CYB561A3: variants seen among roughly 807,000 people sequenced by gnomAD.
CYB561A3 encodes cytochrome b561 family member A3.
A neutral mutation model predicts 25.3 loss-of-function variants in CYB561A3; 16 were observed. The observed-to-expected ratio is 0.63, with a 90% CI of 0.43 to 0.96. CYB561A3 has a LOEUF of 0.96. Among genes scored for constraint, CYB561A3 ranks in the 40% least tolerant of loss-of-function variants. The pLI, the probability that CYB561A3 is intolerant of heterozygous loss-of-function variation, is 0.00. For synonymous variants in CYB561A3, 131 were observed against 129.9 expected (o/e 1.01, Z -0.06); for missense variants, 219 against 307.5 (o/e 0.71, Z 2.15).
intron 2 of CYB561A3, 70 bp downstream of exon 2, chr11:61,357,663 T>C (rs1857697191): frequency 6.0e-6 from 1 of 167,692 alleles, no homozygotes; most frequent in South Asian, 1.4e-4. Flanking sequence ...GCTTCCTGCA[T>C]TGAGGTCCCT....
rs1250544706 is a variant in CYB561A3 at position 61,353,982 on chromosome 11, C to T, written c.195G>A (p.Val65=). 2 of 1,614,140 alleles carry T rather than the reference C, an allele frequency of 1.2e-6. No homozygotes were observed. Among genetic ancestry groups the T allele is most frequent in the Admixed American group, 1.7e-5 (1 of 60,008 alleles). Residue 65 remains valine, a synonymous_variant, in exon 4 of 7, where the codon GTG becomes GTA. Transcript: ENST00000294072. ...MVVFYGGASL[V]YRLPQSWVGP... ...CCACCCACGACTGGGGCAGGCGGTA[C>T]ACCAGTGACGCTGCAGGAGAGAGTA...
At position 61,353,805 on chromosome 11, in the gene CYB561A3, A is replaced by G; in HGVS notation, c.372T>C (p.Thr124=). Residue 124 remains threonine (T), a synonymous_variant, in exon 4 of 7, where the codon ACT becomes ACC. Transcript: ENST00000294072. ...CCACCTGGCAGGCGAAGAGGAAGAC[A>G]GTGGTGATGCCCAGCCAGCTGTGAA... ...YSLHSWLGIT[T]VFLFACQWFL... is the part of the protein sequence containing the mutation. 1 of 1,614,208 alleles carries G rather than the reference A, an allele frequency of 6.2e-7. No individual in the cohort carries two copies. Among genetic ancestry groups the G allele is most frequent in the Non-Finnish European group, 8.5e-7 (1 of 1,180,034 alleles).
At position 61,349,885 on chromosome 11, in the gene CYB561A3, G is replaced by T; in HGVS notation, c.*514C>A. 1 of 539,590 alleles carries T rather than the reference G, an allele frequency of 1.9e-6. No homozygotes were observed. Among genetic ancestry groups the T allele is most frequent in the South Asian group, 2.0e-5 (1 of 48,910 alleles). 33.4% of individuals were successfully genotyped at this position (539,590 alleles called of 1,614,324 possible). Reference sequence around the variant, plus strand: ...TGAAATGCACACCTTTATGGGGGAAGTGGACGGACACCTCACCTCCCTCAT... The same window carrying T: ...TGAAATGCACACCTTTATGGGGGAATTGGACGGACACCTCACCTCCCTCAT... On this transcript the variant is annotated 3_prime_UTR_variant, in exon 7 of 7. Transcript: ENST00000294072.
chr11:61,359,948 G>A (rs1394386045), intron 1 of CYB561A3: 1 of 152,470 alleles, frequency 6.6e-6, no homozygotes, highest in African/African-American at 2.4e-5. Flanking sequence ...TTGAACCCAG[G>A]AGGCAGAGGT....
chr11:61,349,465 C>G lies in CYB561A3; in HGVS notation c.*934G>C. On this transcript the variant is annotated 3_prime_UTR_variant, in exon 7 of 7. Transcript: ENST00000294072. Reference sequence around the variant, plus strand: ...AGCGGGAGGCAGGAAGGCCCTGATCCAGCAAGGAGAAGTAGAGGAAGTCCA... The same window carrying G: ...AGCGGGAGGCAGGAAGGCCCTGATCGAGCAAGGAGAAGTAGAGGAAGTCCA... 1.5e-6 allele frequency: 1 copy of G among 687,920 alleles called. No homozygotes were observed. Among genetic ancestry groups the G allele is most frequent in the Non-Finnish European group, 2.7e-6 (1 of 374,644 alleles). 42.6% of individuals were successfully genotyped at this position (687,920 alleles called of 1,614,324 possible).
At chr11:61,352,896 T>A in intron 5 of CYB561A3, 89 bp downstream of exon 5, 1 of 1,604,802 alleles carries the variant, frequency 6.2e-7, no homozygotes, top group Non-Finnish European at 8.5e-7. Flanking sequence ...CTCTCCTCCC[T>A]TGGGTGAGTC....
chr11:61,357,794 C>T lies in CYB561A3; in HGVS notation c.-77G>A, dbSNP rs1342779774. On this transcript the variant is annotated 5_prime_UTR_variant, in exon 2 of 7. The change creates a new upstream start codon in the 5' untranslated region. Coordinates refer to ENST00000294072, the MANE Select transcript of CYB561A3 (RefSeq NM_153611.6). ...GGCTCCAATTCCTGCGAAATGGGCA[C>T]CTTGAGCAAATCACTTAACATTTGC... The T allele has an allele frequency of 1.3e-5, 2 of 153,232 alleles. No homozygotes were observed. The highest frequency in any genetic ancestry group is 4.8e-5 in the African/African-American group (2 of 41,450). The allele number at this position is 153,232 out of a possible 1,614,324, so 9.5% of individuals were successfully genotyped here.
chr11:61,353,662 TAAC>T (rs1338209121), intron 4 of CYB561A3, 119 bp downstream of exon 4: 40 of 1,093,000 alleles, frequency 3.7e-5, no homozygotes, highest in Admixed American at 8.0e-5. Flanking sequence ...TTCTACAAGA[TAAC>T]AATCTGCAAG....
At chr11:61,354,530 A>G (rs1218873247) in intron 3 of CYB561A3, 1 of 159,774 alleles carries the variant, frequency 6.3e-6, no homozygotes, top group Non-Finnish European at 1.4e-5. Context: ...TCTCTCAGCT[A>G]CTTGGGGGAC....
At chr11:61,351,665 C>A (rs1857417051) in intron 5 of CYB561A3, 1 of 152,030 alleles carries the variant, frequency 6.6e-6, no homozygotes, top group Admixed American at 6.5e-5. Context: ...CTTGTAATCC[C>A]AGCACTTTGG....
intron 1 of CYB561A3, chr11:61,359,430 AAC>A (rs1857764301): frequency 6.6e-6 from 1 of 152,166 alleles, no homozygotes; most frequent in East Asian, 1.9e-4. Flanking sequence ...ATTCACCTAA[AAC>A]ACTCTCCATC....
intron 3 of CYB561A3, 104 bp from the exon 4 acceptor site, chr11:61,354,096 C>T: frequency 8.1e-7 from 1 of 1,242,126 alleles, no homozygotes. Context: ...AGCAAGGGAA[C>T]AGGAAATGCT....
intron 5 of CYB561A3, chr11:61,351,399 C>T (rs568773921): frequency 2.7e-4 from 72 of 271,374 alleles, no homozygotes; most frequent in African/African-American, 1.5e-3. Context: ...ACGCCATTCT[C>T]CTGCCTCAGC....
intron 4 of CYB561A3, 125 bp downstream of exon 4, chr11:61,353,659 A>G (rs1857523026): frequency 5.6e-6 from 6 of 1,072,160 alleles, no homozygotes; most frequent in Non-Finnish European, 8.4e-6. Context: ...CAGTTCTACA[A>G]GATAACAATC....
chr11:61,360,622 A>G (rs1193861132), intron 1 of CYB561A3: 1 of 152,214 alleles, frequency 6.6e-6, no homozygotes, highest in Non-Finnish European at 1.5e-5. Flanking sequence ...CGGCTGAGCT[A>G]AAACAGGTCA....
rs2135116845 is a variant in CYB561A3, at chr11:61,353,992, G to A, written c.185C>T (p.Ala62Val). The change falls in exon 4 of 7, where the codon GCG becomes GTG. Residue 62 changes from alanine to valine, a missense_variant and splice_region_variant. Transcript: ENST00000294072. Reference protein sequence around the residue: ...VAGMVVFYGGASLVYRLPQSW... With the variant: ...VAGMVVFYGGVSLVYRLPQSW... ...CTGGGGCAGGCGGTACACCAGTGAC[G>A]CTGCAGGAGAGAGTAGTGCCAGGGC... The A allele has an allele frequency of 3.1e-6, 5 of 1,614,014 alleles. No homozygotes were observed. The highest frequency in any genetic ancestry group is 1.7e-4 in the Middle Eastern group (1 of 6,020).
In CYB561A3 at chr11:61,352,458, G is replaced by C. The variant is rs189633455; in HGVS notation, c.548+527C>G. On this transcript the variant is annotated intron_variant, in intron 5 of 6. Coordinates refer to ENST00000294072, the MANE Select transcript of CYB561A3 (RefSeq NM_153611.6). ...GGGCAGATCATGAGGTCAGGAGTCCGAGACCAGCCTGCCCAGCATGGTGAA... is the reference window on the plus strand; with the variant it reads ...GGGCAGATCATGAGGTCAGGAGTCCCAGACCAGCCTGCCCAGCATGGTGAA... 2.2e-3 allele frequency: 351 copies of C among 160,950 alleles called. 2 individuals carry two copies. Among genetic ancestry groups the C allele is most frequent in the South Asian group, 0.016 (96 of 6,188 alleles). The allele number at this position is 160,950 out of a possible 1,614,324, so 10.0% of individuals were successfully genotyped here. A position where few individuals can be genotyped will look rare whatever the true frequency, so the allele number is the denominator to read the frequency against.
rs558507273 is a variant in CYB561A3 at position 61,354,044 on chromosome 11, G to A, written c.185-52C>T. The A allele has an allele frequency of 3.8e-6, 6 of 1,592,402 alleles. No homozygotes were observed. The Admixed American group carries it at 6.8e-5, about 18-fold the overall frequency. Reference sequence around the variant, plus strand: ...CAGCCTCTCCCCTCGAGCTCACCCAGACATCAGGGAATAACCCTGATAGGA... The same window carrying A: ...CAGCCTCTCCCCTCGAGCTCACCCAAACATCAGGGAATAACCCTGATAGGA... On this transcript the variant is annotated intron_variant, in intron 3 of 6. Transcript: ENST00000294072.
Position 61,357,697 on chromosome 11 carries a change from A to C in CYB561A3, c.-16+36T>G, listed in dbSNP as rs1173140173. The C allele has an allele frequency of 4.9e-5, 8 of 163,184 alleles. No homozygotes were observed. In the South Asian group the frequency reaches 1.2e-3, roughly 25 times the overall value. 10.1% of individuals were successfully genotyped at this position (163,184 alleles called of 1,614,324 possible). ...CTCACTCGGAAGCAGCTAATAGCCA[A>C]TAGCCCCCACGGAGGTAAAACATTT... On this transcript the variant is annotated intron_variant, in intron 2 of 6. Transcript: ENST00000294072.
Sources: allele counts gnomAD v4.1 joint callset, GRCh38; gene constraint gnomAD v4.1.1; transcripts MANE v1.5; gene names NCBI Gene and HGNC (gene_info 2026-07-23, HGNC 2026-07-21).